Variants in OGT observed in about 807,000 individuals in gnomAD.
OGT encodes the protein UDP-N-acetylglucosamine--peptide N-acetylglucosaminyltransferase 110 kDa subunit.
In OGT, 3 loss-of-function variants were observed where a neutral mutation model predicts 75.8. The observed-to-expected ratio is 0.04, with a 90% CI of 0.02 to 0.10. OGT has a LOEUF of 0.10. Ranked by LOEUF, OGT falls within the 10% of genes least tolerant of loss-of-function variation. The pLI is 1.00. For synonymous variants in OGT, 257 were observed against 289.7 expected, an observed-to-expected ratio of 0.89 and a Z score of 1.15; for missense variants, 260 against 824.4, an observed-to-expected ratio of 0.32 and a Z score of 8.38.
intron 5 of OGT, 112 bp downstream of exon 5, chrX:71,548,135 C>T: frequency 4.0e-6 from 3 of 750,848 alleles, no homozygotes; most frequent in South Asian, 2.8e-5. Flanking sequence ...GTTTCTCTGG[C>T]GGTATAGGCA....
chrX:71,558,765 CTTTTTTTTTTTTTTT>C (rs397895020), intron 12 of OGT, among the ~76,000 whole-genome samples: 4 of 61,497 alleles, frequency 6.5e-5, no homozygotes, highest in African/African-American at 8.3e-5. Context: ...TTTGCTCGTA[CTTTTTTTTTTTTTTT>C]TTTTTTTTTT....
chrX:71,541,231 T>C (rs189882945), intron 3 of OGT, among the ~76,000 whole-genome samples: 264 of 112,212 alleles, frequency 2.4e-3, no homozygotes, highest in Non-Finnish European at 4.5e-3. Flanking sequence ...CTGGCCATCA[T>C]GTGTGTTCCT....
intron 2 of OGT, 42 bp from the exon 3 acceptor site, chrX:71,537,787 T>G: frequency 1.7e-6 from 2 of 1,200,662 alleles, no homozygotes; most frequent in Non-Finnish European, 2.3e-6. Flanking sequence ...TTCTTTTCTG[T>G]AACGTGCATA....
chrX:71,565,030 G>A (rs2040407419), intron 19 of OGT, among the ~76,000 whole-genome samples: 2 of 111,204 alleles, frequency 1.8e-5, no homozygotes, highest in Non-Finnish European at 3.8e-5. Flanking sequence ...ATGGTGGTAG[G>A]CACCTGTAAT....
intron 19 of OGT, 126 bp from the exon 20 acceptor site, chrX:71,567,374 G>A (rs1289193282): frequency 6.1e-6 from 3 of 491,020 alleles, no homozygotes; most frequent in Non-Finnish European, 9.5e-6. Flanking sequence ...AAAGACTTAA[G>A]TCCACAGCAG....
chrX:71,533,951 C>T (rs897312375), intron 1 of OGT, among the ~76,000 whole-genome samples: 2 of 111,722 alleles, frequency 1.8e-5, no homozygotes, highest in East Asian at 5.6e-4. Context: ...GGTGTTCTTT[C>T]GGTTGAGCGG....
intron 4 of OGT, chrX:71,544,840 A>G: frequency 2.4e-6 from 1 of 411,351 alleles, no homozygotes; most frequent in Non-Finnish European, 4.2e-6. Flanking sequence ...GAACCTGAAC[A>G]TTTTGGAGCC....
intron 3 of OGT, among the ~76,000 whole-genome samples, chrX:71,538,691 G>A (rs1314208681): frequency 8.9e-6 from 1 of 111,880 alleles, no homozygotes; most frequent in Admixed American, 9.5e-5. Context: ...ACTGTGTTTA[G>A]GATCTCCGAA....
chrX:71,554,863 T>C (rs962614743), intron 6 of OGT, among the ~76,000 whole-genome samples: 1 of 112,072 alleles, frequency 8.9e-6, no homozygotes, highest in Non-Finnish European at 1.9e-5. Context: ...GATTCTTTCT[T>C]AGACTAAATT....
At chrX:71,538,823 T>G (rs1359277053) in intron 3 of OGT, among the ~76,000 whole-genome samples, 6 of 112,045 alleles carry the variant, frequency 5.4e-5, no homozygotes, top group African/African-American at 1.9e-4. Flanking sequence ...CAAGTTACAT[T>G]GTCAACATTC....
chrX:71,573,102 C>T (rs1162334876), intron 21 of OGT, among the ~76,000 whole-genome samples: 2 of 112,380 alleles, frequency 1.8e-5, no homozygotes, highest in Non-Finnish European at 3.8e-5. Context: ...AAATCGAATA[C>T]TTCATCTTAT....
chrX:71,569,146 G>A (rs2040436669), intron 21 of OGT, among the ~76,000 whole-genome samples: 2 of 111,368 alleles, frequency 1.8e-5, no homozygotes, highest in South Asian at 7.5e-4. Context: ...TGGCTAACAC[G>A]GTGAAACCCC....
chrX:71,547,443 T>G, intron 4 of OGT: 1 of 734,326 alleles, frequency 1.4e-6, no homozygotes, highest in Non-Finnish European at 1.6e-6. Context: ...GATCATGAAC[T>G]CCTTTTTTTT....
chrX:71,573,904 G>A lies in OGT; in HGVS notation c.*110G>A, dbSNP rs2040475000. ...GTCTGTACAGTACCTTGTTGCAGAT[G>A]GGTGATATATAATGGTAATAGAATA... On this transcript the variant is annotated 3_prime_UTR_variant, in exon 22 of 22. Transcript: ENST00000373719. 1.8e-6 allele frequency: 1 copy of A among 542,257 alleles called. No individual in the cohort carries two copies. Among genetic ancestry groups the A allele is most frequent in the Non-Finnish European group, 2.8e-6 (1 of 357,744 alleles). 44.7% of individuals were successfully genotyped at this position (542,257 alleles called of 1,213,427 possible).
intron 5 of OGT, among the ~76,000 whole-genome samples, chrX:71,554,104 G>A (rs1355241551): frequency 1.8e-5 from 2 of 111,859 alleles, no homozygotes; most frequent in African/African-American, 6.5e-5. Context: ...ATAAGGTCTT[G>A]CTGAGCATGT....
In OGT at chrX:71,573,491, A is replaced by G. The variant is rs1222051738; in HGVS notation, c.2967-129A>G. 1.8e-5 allele frequency: 9 copies of G among 498,029 alleles called. No homozygotes were observed. The Admixed American group carries it at 2.6e-4, about 15-fold the overall frequency. The allele number at this position is 498,029 out of a possible 1,213,427, so 41.0% of individuals were successfully genotyped here. A position where few individuals can be genotyped will look rare whatever the true frequency, so the allele number is the denominator to read the frequency against. Reference sequence around the variant, plus strand: ...CCCTTCCCTTTTTAGCACGAAGCCAATCAAGAAATGAGATAGCGTAGAGTT... The same window carrying G: ...CCCTTCCCTTTTTAGCACGAAGCCAGTCAAGAAATGAGATAGCGTAGAGTT... On this transcript the variant is annotated intron_variant, in intron 21 of 21. Transcript: ENST00000373719.
intron 4 of OGT, 90 bp from the exon 5 acceptor site, chrX:71,547,817 C>T (rs2040271817): frequency 9.6e-6 from 10 of 1,042,321 alleles, no homozygotes; most frequent in Non-Finnish European, 1.3e-5. Flanking sequence ...TTCCCCCCCT[C>T]CCCCCAATCT....
intron 1 of OGT, chrX:71,534,516 G>A (rs2040160954): frequency 9.0e-6 from 1 of 111,211 alleles, no homozygotes; most frequent in South Asian, 3.8e-4. Flanking sequence ...TTGTTTCTCA[G>A]TTGAGATGTG....
At chrX:71,551,468 C>G (rs2040303557) in intron 5 of OGT, among the ~76,000 whole-genome samples, 1 of 111,471 alleles carries the variant, frequency 9.0e-6, no homozygotes, top group Non-Finnish European at 1.9e-5. Flanking sequence ...CCCATCTCTA[C>G]TAAAAATACA....
Sources: allele counts gnomAD v4.1 joint callset (sites outside exome capture counted in the v4.1 genomes callset), GRCh38; gene constraint gnomAD v4.1.1; transcripts MANE v1.5; gene names NCBI Gene and HGNC (gene_info 2026-07-23, HGNC 2026-07-21).